The following PTPRM variants were observed in gnomAD, a reference collection of about 807,000 sequenced individuals.
PTPRM encodes protein tyrosine phosphatase receptor type M, also known as receptor-type tyrosine-protein phosphatase mu.
Under a neutral mutation model 186.7 loss-of-function variants are expected in PTPRM, and 47 were observed. That is an observed-to-expected ratio of 0.25 (90% CI 0.20 to 0.32). PTPRM has a LOEUF of 0.32. Among genes scored for constraint, PTPRM ranks in the 10% least tolerant of loss-of-function variants. PTPRM has a pLI of 1.00. For synonymous variants in PTPRM, 668 were observed against 674.9 expected, an observed-to-expected ratio of 0.99 and a Z score of 0.16; for missense variants, 1,494 against 1,865.0, an observed-to-expected ratio of 0.80 and a Z score of 3.66.
At chr18:7,626,602 G>A (rs1358872056) in intron 1 of PTPRM, among the ~76,000 whole-genome samples, 11 of 152,322 alleles carry the variant, frequency 7.2e-5, no homozygotes, top group African/African-American at 2.6e-4. Context: ...TAGGTTAGCA[G>A]TGAGGTTGTC....
intron 1 of PTPRM, among the ~76,000 whole-genome samples, chr18:7,703,562 G>C (rs949966835): frequency 2.6e-5 from 4 of 152,124 alleles, no homozygotes; most frequent in African/African-American, 9.7e-5. Flanking sequence ...TCAGCTTAAG[G>C]AGATTTTGGG....
intron 7 of PTPRM, among the ~76,000 whole-genome samples, chr18:7,962,800 A>T (rs1170799411): frequency 6.6e-6 from 1 of 152,238 alleles, no homozygotes; most frequent in African/African-American, 2.4e-5. Context: ...TTTCTCTTAA[A>T]TCAAAGATAG....
rs2095837583 is a variant in PTPRM at position 8,394,763 on chromosome 18, T to C, written c.4344+152T>C. ...CACTTTGCTTGTAGGGCTTTTTTCT[T>C]CTTTCTTGTTCTCCCTCTTCCTCTC... On this transcript the variant is annotated intron_variant, in intron 32 of 32. Transcript: ENST00000580170. The C allele has an allele frequency of 3.8e-6, 3 of 784,458 alleles. No homozygotes were observed. The South Asian group carries it at 9.2e-5, about 24-fold the overall frequency. The allele number at this position is 784,458 out of a possible 1,614,324, so 48.6% of individuals were successfully genotyped here. A position where few individuals can be genotyped will look rare whatever the true frequency, so the allele number is the denominator to read the frequency against.
At chr18:8,168,994 A>G (rs1376930797) in intron 14 of PTPRM, among the ~76,000 whole-genome samples, 1 of 152,184 alleles carries the variant, frequency 6.6e-6, no homozygotes, top group Non-Finnish European at 1.5e-5. Flanking sequence ...TCAATGGAAG[A>G]AGTTAAATTA....
intron 23 of PTPRM, among the ~76,000 whole-genome samples, chr18:8,354,095 C>A (rs1168718034): frequency 2.0e-5 from 3 of 152,034 alleles, no homozygotes; most frequent in African/African-American, 4.8e-5. Flanking sequence ...TGCCTGTAAT[C>A]CCAGCTACTT....
rs145889344 is a variant in PTPRM at position 7,668,372 on chromosome 18, T to G, written c.73+100481T>G. ...CAGAGCAGACACCATTATTCTTATC[T>G]TTGTCTTGTTTGTTATTATGTAGCT... On this transcript the variant is annotated intron_variant, in intron 1 of 32. Transcript: ENST00000580170. The surrounding 1 kb of genome is among the most constrained non-coding windows in gnomAD (Gnocchi z 4.7). 2.6e-5 allele frequency among the ~76,000 whole-genome samples: 4 copies of G among 152,316 alleles called. No individual in the cohort carries two copies. The East Asian group carries it at 7.7e-4, about 29-fold the overall frequency.
At chr18:7,736,497 G>A (rs776746265) in intron 1 of PTPRM, among the ~76,000 whole-genome samples, 8 of 151,986 alleles carry the variant, frequency 5.3e-5, no homozygotes, top group Non-Finnish European at 8.8e-5. Context: ...CTCAGACACC[G>A]AGTTGTAGAA....
intron 14 of PTPRM, among the ~76,000 whole-genome samples, chr18:8,235,954 T>A (rs8095111): frequency 0.4 from 60,676 of 152,032 alleles, 12,484 homozygotes; most frequent in Middle Eastern, 0.56. Context: ...ATGATTTCTA[T>A]TCTTTTTAAT....
Position 8,113,571 on chromosome 18 carries a change from C to G in PTPRM, c.1942C>G (p.His648Asp), listed in dbSNP as rs766297839. 1 of 1,614,094 alleles carries G rather than the reference C, an allele frequency of 6.2e-7. No individual in the cohort carries two copies. Among genetic ancestry groups the G allele is most frequent in the South Asian group, 1.1e-5 (1 of 91,082 alleles). ...CTTAAAGTGCTACCCAGTGCCAATTCACTTCCAGAATGCTTCTCTGCTGAA... is the reference window on the plus strand; with the variant it reads ...CTTAAAGTGCTACCCAGTGCCAATTGACTTCCAGAATGCTTCTCTGCTGAA... ...EILKCYPVPI[H>D]FQNASLLNSQ... Residue 648 changes from histidine to aspartate, a missense_variant, in exon 12 of 33, where the codon CAC becomes GAC. This residue lies in a region of PTPRM where 1,107 missense variants were observed against 1,350.2 expected (regional missense o/e 0.82). Coordinates refer to ENST00000580170, the MANE Select transcript of PTPRM (RefSeq NM_001105244.2).
chr18:8,373,184 A>G (rs943697207), intron 24 of PTPRM, among the ~76,000 whole-genome samples: 3 of 152,214 alleles, frequency 2.0e-5, no homozygotes, highest in Non-Finnish European at 4.4e-5. Flanking sequence ...AGCATTTCTT[A>G]TAGGTTTTAA....
intron 4 of PTPRM, among the ~76,000 whole-genome samples, chr18:7,915,985 G>A (rs1158751803): frequency 6.6e-6 from 1 of 152,148 alleles, no homozygotes; most frequent in Non-Finnish European, 1.5e-5. Context: ...ATTTTGTTAA[G>A]TGAAATAACT....
At chr18:7,836,666 G>C (rs979611613) in intron 2 of PTPRM, among the ~76,000 whole-genome samples, 3 of 152,150 alleles carry the variant, frequency 2.0e-5, no homozygotes, top group African/African-American at 7.2e-5. Context: ...ATTTCTTGTA[G>C]GACAGGTCTG....
At chr18:7,596,166 T>C (rs969406494) in intron 1 of PTPRM, among the ~76,000 whole-genome samples, 1 of 151,904 alleles carries the variant, frequency 6.6e-6, no homozygotes, top group Non-Finnish European at 1.5e-5. Flanking sequence ...AATATGTGAG[T>C]GACTTGAGCA....
intron 28 of PTPRM, among the ~76,000 whole-genome samples, chr18:8,379,759 G>A (rs556395216): frequency 1.2e-4 from 18 of 152,228 alleles, no homozygotes; most frequent in South Asian, 8.3e-4. Flanking sequence ...TTGCTATTCC[G>A]TTGATGCAAA....
intron 2 of PTPRM, among the ~76,000 whole-genome samples, chr18:7,859,360 A>G (rs1437819882): frequency 6.6e-6 from 1 of 152,188 alleles, no homozygotes; most frequent in African/African-American, 2.4e-5. Flanking sequence ...TTCTTTAGAC[A>G]CAGAGCTCAG....
In PTPRM at chr18:7,775,982, G is replaced by A. The variant is rs1260370179; in HGVS notation, c.196+1711G>A. 5.3e-5 allele frequency among the ~76,000 whole-genome samples: 8 copies of A among 152,076 alleles called. No individual in the cohort carries two copies. The East Asian group carries it at 5.8e-4, about 11-fold the overall frequency. On this transcript the variant is annotated intron_variant, in intron 2 of 32. Coordinates refer to ENST00000580170, the MANE Select transcript of PTPRM (RefSeq NM_001105244.2). The stretch of plus-strand genomic sequence containing the variant: ...AAATCATAGGTTTCTAGCACAGGCC[G>A]TTAAAAAAATGGTAGTAAAGTTCAA...
chr18:8,166,100 A>G (rs1256076494), intron 14 of PTPRM, among the ~76,000 whole-genome samples: 1 of 152,204 alleles, frequency 6.6e-6, no homozygotes, highest in Non-Finnish European at 1.5e-5. Context: ...GACTAAGCAC[A>G]TGATAAATGT....
intron 19 of PTPRM, among the ~76,000 whole-genome samples, chr18:8,259,037 A>G (rs533299407): frequency 5.9e-4 from 90 of 152,028 alleles, no homozygotes; most frequent in African/African-American, 2.0e-3. Flanking sequence ...TGCAACCTCT[A>G]CCTCTGGATT....
intron 14 of PTPRM, among the ~76,000 whole-genome samples, chr18:8,149,149 C>T (rs540155699): frequency 2.0e-5 from 3 of 152,074 alleles, no homozygotes; most frequent in South Asian, 2.1e-4. Context: ...TGGAGAGTTC[C>T]GTGGATGTCT....
Sources: allele counts gnomAD v4.1 joint callset (sites outside exome capture counted in the v4.1 genomes callset), GRCh38; gene constraint gnomAD v4.1.1; regional missense constraint gnomAD v4.1.1; non-coding constraint Gnocchi (gnomAD v3.1); transcripts MANE v1.5; gene names NCBI Gene and HGNC (gene_info 2026-07-23, HGNC 2026-07-21).